Variants in ESR1 observed in about 807,000 individuals in gnomAD.
ESR1 encodes the protein estrogen receptor.
Under a neutral mutation model 52.7 loss-of-function variants are expected in ESR1, and 12 were observed. The ratio of observed to expected loss-of-function variants is 0.23; its 90% confidence interval spans 0.15 to 0.37. The LOEUF is 0.37. ESR1 is among the 10% of genes least tolerant of loss of function. ESR1 has a pLI of 1.00. For missense variants in ESR1, 584 were observed against 779.7 expected (o/e 0.75, Z 2.99); for synonymous variants, 305 against 316.8 (o/e 0.96, Z 0.39).
At chr6:152,055,429 A>G (rs958117278) in intron 5 of ESR1, among the ~76,000 whole-genome samples, 1 of 152,164 alleles carries the variant, frequency 6.6e-6, no homozygotes, top group African/African-American at 2.4e-5. Context: ...TTGAAATAAT[A>G]AGTTTGGATG....
chr6:151,803,537 G>T (rs1270240820), upstream of ESR1, among the ~76,000 whole-genome samples: 1 of 152,130 alleles, frequency 6.6e-6, no homozygotes, highest in Non-Finnish European at 1.5e-5. Flanking sequence ...AACTCATGGG[G>T]GAAGCTATGA....
chr6:151,950,359 G>A (rs953326883), intron 4 of ESR1, among the ~76,000 whole-genome samples: 2 of 152,104 alleles, frequency 1.3e-5, no homozygotes, highest in East Asian at 1.9e-4. Flanking sequence ...ACTTCCAGGG[G>A]GATTTGGCAT....
At chr6:152,027,377 A>G (rs1370571272) in intron 5 of ESR1, among the ~76,000 whole-genome samples, 1 of 152,180 alleles carries the variant, frequency 6.6e-6, no homozygotes, top group Non-Finnish European at 1.5e-5. Flanking sequence ...TATTATTAAG[A>G]TATTTAATGT....
chr6:151,984,756 ATC>A (rs1019621866), intron 4 of ESR1, among the ~76,000 whole-genome samples: 6 of 152,176 alleles, frequency 3.9e-5, no homozygotes, highest in Admixed American at 2.6e-4. Context: ...CTACAAAGTA[ATC>A]TCTACTCATG....
chr6:151,967,469 A>G (rs1391871032), intron 4 of ESR1, among the ~76,000 whole-genome samples: 1 of 152,190 alleles, frequency 6.6e-6, no homozygotes, highest in Non-Finnish European at 1.5e-5. Context: ...TTTGCTGAGA[A>G]TGATGGTTTC....
At chr6:152,126,275 T>A (rs144783182) in exon 7 of ESR1, 4 of 152,162 alleles carry the variant, frequency 2.6e-5, no homozygotes, top group Non-Finnish European at 5.9e-5. Context: ...AGTTTCAACA[T>A]GCCCAAAGCT....
At chr6:152,092,528 G>A (rs2050269008) in intron 6 of ESR1, among the ~76,000 whole-genome samples, 1 of 152,178 alleles carries the variant, frequency 6.6e-6, no homozygotes, top group South Asian at 2.1e-4. Context: ...GATAAACTTG[G>A]GAGCCTTTAG....
At chr6:151,781,542 G>A (rs948687167) in intron 2 of ESR1, among the ~76,000 whole-genome samples, 1 of 152,194 alleles carries the variant, frequency 6.6e-6, no homozygotes, top group Non-Finnish European at 1.5e-5. Flanking sequence ...TAAGAAGAGA[G>A]AACCTGAGAC....
At chr6:151,753,207 A>G (rs1784027616) in intron 2 of ESR1, among the ~76,000 whole-genome samples, 1 of 152,062 alleles carries the variant, frequency 6.6e-6, no homozygotes, top group African/African-American at 2.4e-5. Context: ...AACTGTCACT[A>G]TTTTGGTTTG....
chr6:151,958,279 A>G (rs976837923), intron 4 of ESR1, among the ~76,000 whole-genome samples: 17 of 151,896 alleles, frequency 1.1e-4, no homozygotes, highest in African/African-American at 2.9e-4. Flanking sequence ...GAATTAGAAC[A>G]CAATAATAAT....
At chr6:151,968,536 T>C (rs1254508066) in intron 4 of ESR1, among the ~76,000 whole-genome samples, 1 of 152,216 alleles carries the variant, frequency 6.6e-6, no homozygotes, top group African/African-American at 2.4e-5. Flanking sequence ...GACAAATGGC[T>C]AATATCCAGA....
intron 6 of ESR1, among the ~76,000 whole-genome samples, chr6:152,119,310 C>T (rs1023482161): frequency 3.3e-5 from 5 of 152,184 alleles, no homozygotes; most frequent in African/African-American, 9.7e-5. Context: ...TCTCTTCTCA[C>T]TTCTTACAAA....
At chr6:151,714,803 T>C in intron 2 of ESR1, among the ~76,000 whole-genome samples, 1 of 152,214 alleles carries the variant, frequency 6.6e-6, no homozygotes, top group East Asian at 1.9e-4. Flanking sequence ...TTTGCCAGTC[T>C]GTGTCTTTTA....
intron 1 of ESR1, among the ~76,000 whole-genome samples, chr6:151,672,208 T>A (rs1319196329): frequency 6.6e-6 from 1 of 152,136 alleles, no homozygotes; most frequent in African/African-American, 2.4e-5. Context: ...GATTTAATCA[T>A]TTCACATTGT....
chr6:151,725,961 G>A (rs946738211), intron 2 of ESR1, among the ~76,000 whole-genome samples: 5 of 152,242 alleles, frequency 3.3e-5, no homozygotes, highest in African/African-American at 7.2e-5. Context: ...ATAAAAAGGT[G>A]AGCTTGTGTT....
intron 2 of ESR1, among the ~76,000 whole-genome samples, chr6:151,779,954 T>G (rs1267183781): frequency 6.7e-6 from 1 of 148,690 alleles, no homozygotes; most frequent in Non-Finnish European, 1.5e-5. Flanking sequence ...TGGAATACTA[T>G]GCAGCCATAA....
intron 2 of ESR1, among the ~76,000 whole-genome samples, chr6:151,865,302 A>G (rs1164522916): frequency 6.6e-6 from 1 of 152,140 alleles, no homozygotes; most frequent in African/African-American, 2.4e-5. Flanking sequence ...TATTGGTCTC[A>G]CTCATTCATT....
At chr6:151,884,691 T>C (rs1412816904) in intron 3 of ESR1, among the ~76,000 whole-genome samples, 1 of 152,230 alleles carries the variant, frequency 6.6e-6, no homozygotes, top group Non-Finnish European at 1.5e-5. Context: ...TGGTTCTGAA[T>C]CATGGTAGTT....
At chr6:151,765,107 G>A (rs1013729796) in intron 2 of ESR1, among the ~76,000 whole-genome samples, 2 of 152,112 alleles carry the variant, frequency 1.3e-5, no homozygotes, top group Non-Finnish European at 2.9e-5. Flanking sequence ...ATTTTGACAT[G>A]TTCTAAATAT....
Sources: gnomAD v4.1 joint callset for allele counts (sites outside exome capture counted in the v4.1 genomes callset) on GRCh38, gnomAD v4.1.1 for gene constraint, MANE v1.5 for transcripts, NCBI Gene and HGNC (gene_info 2026-07-23, HGNC 2026-07-21) for gene names.